KCNN2: variants seen among roughly 807,000 people sequenced by gnomAD.
The protein encoded by KCNN2 is small conductance calcium-activated potassium channel protein 2.
A neutral mutation model predicts 55.5 loss-of-function variants in KCNN2; 24 were observed. That is an observed-to-expected ratio of 0.43 (90% CI 0.31 to 0.61). The LOEUF is 0.61. KCNN2 is among the 20% of genes least tolerant of loss of function. The pLI, the probability that KCNN2 is intolerant of heterozygous loss-of-function variation, is 0.08. For missense variants in KCNN2, 754 were observed against 853.6 expected (o/e 0.88, Z 1.45); for synonymous variants, 431 against 336.1 (o/e 1.28, Z -3.09).
intron 2 of KCNN2, among the ~76,000 whole-genome samples, chr5:114,319,307 G>A (rs972806051): frequency 3.9e-5 from 6 of 152,106 alleles, no homozygotes; most frequent in African/African-American, 1.4e-4. Flanking sequence ...CTTCTTAAGG[G>A]GATGAGCTGT....
intron 2 of KCNN2, among the ~76,000 whole-genome samples, chr5:114,282,271 G>A (rs1271057282): frequency 6.6e-6 from 1 of 151,700 alleles, no homozygotes; most frequent in African/African-American, 2.4e-5. Flanking sequence ...TTTTACTTTG[G>A]TTGAATTATA....
chr5:114,257,545 G>T (rs1315485352), intron 2 of KCNN2, among the ~76,000 whole-genome samples: 1 of 151,956 alleles, frequency 6.6e-6, no homozygotes, highest in East Asian at 1.9e-4. Flanking sequence ...GTGTTTTGTA[G>T]TTTTCCTTGT....
chr5:114,326,853 C>G (rs1362572196), intron 2 of KCNN2, among the ~76,000 whole-genome samples: 2 of 152,152 alleles, frequency 1.3e-5, no homozygotes, highest in Non-Finnish European at 2.9e-5. Flanking sequence ...CAGGGATACA[C>G]CACATTCTGT....
At chr5:114,467,397 G>A (rs1761501848) in intron 4 of KCNN2, among the ~76,000 whole-genome samples, 1 of 152,186 alleles carries the variant, frequency 6.6e-6, no homozygotes, top group Non-Finnish European at 1.5e-5. Context: ...TTGAGAATGT[G>A]CAAAACACTC....
At chr5:114,318,404 C>G (rs1756544971) in intron 2 of KCNN2, among the ~76,000 whole-genome samples, 2 of 152,012 alleles carry the variant, frequency 1.3e-5, no homozygotes, top group African/African-American at 4.8e-5. Flanking sequence ...TGAAGGATGG[C>G]CACTTACATA....
intron 1 of KCNN2, among the ~76,000 whole-genome samples, chr5:114,148,077 A>T (rs1363579481): frequency 6.6e-6 from 1 of 152,228 alleles, no homozygotes; most frequent in Non-Finnish European, 1.5e-5. Flanking sequence ...AGGACTGTTA[A>T]TCATTCCTTG....
At chr5:114,450,145 A>G (rs1760609724) in intron 3 of KCNN2, among the ~76,000 whole-genome samples, 1 of 152,228 alleles carries the variant, frequency 6.6e-6, no homozygotes, top group Non-Finnish European at 1.5e-5. Flanking sequence ...GCCGCTACCC[A>G]TCATGGAAAA....
In KCNN2 at chr5:114,432,950, G is replaced by A. The variant is rs1449028859; in HGVS notation, c.1637+28094G>A. On this transcript the variant is annotated intron_variant, in intron 3 of 7. Coordinates refer to ENST00000673685, the MANE Select transcript of KCNN2 (RefSeq NM_021614.4). ...TGGCTGGGGACCTGCAGCCCGCCAT[G>A]CCTGAACCTCCCACCCCCTCCATGG... is the stretch of plus-strand genomic sequence containing the variant. 3.3e-5 allele frequency among the ~76,000 whole-genome samples: 5 copies of A among 152,316 alleles called. 1 individual carries two copies. The East Asian group carries it at 9.7e-4, about 29-fold the overall frequency.
At position 114,143,859 on chromosome 5, in the gene KCNN2, C is replaced by T. The variant is rs564396331; in HGVS notation, c.-270-77621C>T. Among the ~76,000 whole-genome samples, 37 of 152,244 alleles carry T rather than the reference C, an allele frequency of 2.4e-4. No individual in the cohort carries two copies. In the South Asian group the frequency reaches 6.4e-3, roughly 26 times the overall value. The stretch of plus-strand genomic sequence containing the variant: ...CCCCTTTTCTCTGATTTAAATGAAC[C>T]GTAGCAATCATAGCTTGGCACTGAT... On this transcript the variant is annotated intron_variant, in intron 1 of 10. Transcript: ENST00000512097.
Position 114,465,253 on chromosome 5 carries a change from T to G in KCNN2, c.1779+2063T>G, listed in dbSNP as rs572196910. The stretch of plus-strand genomic sequence containing the variant: ...TCAAAGTCTCATCAGATAGTACAAA[T>G]CTTTTATTTACCTTCTTGAACTGCC... On this transcript the variant is annotated intron_variant, in intron 4 of 7. Transcript: ENST00000673685. Among the ~76,000 whole-genome samples the G allele has an allele frequency of 3.7e-4, 56 of 152,304 alleles. No homozygotes were observed. In the South Asian group the frequency reaches 0.011, roughly 30 times the overall value.
At chr5:114,114,205 A>G (rs1048458845) in intron 1 of KCNN2, among the ~76,000 whole-genome samples, 18 of 152,062 alleles carry the variant, frequency 1.2e-4, no homozygotes, top group African/African-American at 4.3e-4. Context: ...TTCTTCCTGG[A>G]CTGCACTGGT....
At chr5:114,308,826 G>T (rs1287740937) in intron 2 of KCNN2, among the ~76,000 whole-genome samples, 1 of 152,098 alleles carries the variant, frequency 6.6e-6, no homozygotes, top group Non-Finnish European at 1.5e-5. Context: ...CTATTTCTCT[G>T]TTTCAAGTCT....
chr5:114,159,789 G>A (rs537035197), intron 1 of KCNN2, among the ~76,000 whole-genome samples: 256 of 152,216 alleles, frequency 1.7e-3, no homozygotes, highest in Middle Eastern at 6.8e-3. Context: ...GTTTATTTGC[G>A]TAGAGGTGTT....
At chr5:114,108,676 G>T (rs1382082681) in intron 1 of KCNN2, among the ~76,000 whole-genome samples, 1 of 152,048 alleles carries the variant, frequency 6.6e-6, no homozygotes, top group Non-Finnish European at 1.5e-5. Context: ...TTAGAGTCAT[G>T]CATGCTGTTG....
At position 114,230,649 on chromosome 5, in the gene KCNN2, T is replaced by G. The variant is rs1424236846; in HGVS notation, c.-185+9084T>G. On this transcript the variant is annotated intron_variant, in intron 2 of 10. Transcript: ENST00000512097. ...TATGGCTGCATAGTATTCCATGGTGTATATGTGCCACATTTTCTTAATCCA... is the reference window on the plus strand; with the variant it reads ...TATGGCTGCATAGTATTCCATGGTGGATATGTGCCACATTTTCTTAATCCA... 3.7e-5 allele frequency among the ~76,000 whole-genome samples: 2 copies of G among 54,324 alleles called. 1 individual carries two copies. Among genetic ancestry groups the G allele is most frequent in the Non-Finnish European group, 7.7e-5 (2 of 26,042 alleles). 35.6% of individuals were successfully genotyped at this position (54,324 alleles called of 152,430 possible).
At chr5:114,273,698 TG>T (rs528515376) in intron 2 of KCNN2, among the ~76,000 whole-genome samples, 81 of 152,332 alleles carry the variant, frequency 5.3e-4, no homozygotes, top group Admixed American at 6.5e-4. Flanking sequence ...TGGATGGGGT[TG>T]TTTTTTTCTT....
chr5:114,405,206 C>T (rs770762950), intron 3 of KCNN2, among the ~76,000 whole-genome samples: 1 of 152,064 alleles, frequency 6.6e-6, no homozygotes, highest in African/African-American at 2.4e-5. Context: ...TGCTTATGAG[C>T]GTTGTTTGTT....
intron 2 of KCNN2, among the ~76,000 whole-genome samples, chr5:114,243,267 C>T (rs1037029058): frequency 6.6e-6 from 1 of 152,156 alleles, no homozygotes; most frequent in Non-Finnish European, 1.5e-5. Flanking sequence ...TGTAACATAG[C>T]AACTCACACA....
At chr5:114,056,561 CCTAGGGAGGATA>C (rs1750213349) in intron 1 of KCNN2, 3 of 396,576 alleles carry the variant, frequency 7.6e-6, no homozygotes, top group Non-Finnish European at 1.3e-5. Flanking sequence ...ACCAGCCTCC[CCTAGGGAGGATA>C]CTAAAGTGAA....
Sources: allele counts gnomAD v4.1 joint callset (sites outside exome capture counted in the v4.1 genomes callset), GRCh38; gene constraint gnomAD v4.1.1; transcripts MANE v1.5; gene names NCBI Gene and HGNC (gene_info 2026-07-23, HGNC 2026-07-21).